Variants in SBF2 observed in about 807,000 individuals in gnomAD.
The protein encoded by SBF2 is SET binding factor 2.
Under a neutral mutation model 225.2 loss-of-function variants are expected in SBF2, and 112 were observed. The observed-to-expected ratio is 0.50, with a 90% CI of 0.43 to 0.58. The LOEUF is 0.58. Among genes scored for constraint, SBF2 ranks in the 20% least tolerant of loss-of-function variants. The pLI is 0.00. For synonymous variants in SBF2, 763 were observed against 773.3 expected (o/e 0.99, Z 0.22); for missense variants, 1,996 against 2,206.2 (o/e 0.90, Z 1.91).
chr11:10,270,110 A>G (rs1325189131), intron 1 of SBF2, among the ~76,000 whole-genome samples: 1 of 152,188 alleles, frequency 6.6e-6, no homozygotes, highest in Non-Finnish European at 1.5e-5. Context: ...TATTTACTTT[A>G]AATTATATAT....
At chr11:10,178,334 T>C (rs1165477087) in intron 2 of SBF2, among the ~76,000 whole-genome samples, 14 of 149,258 alleles carry the variant, frequency 9.4e-5, no homozygotes, top group Admixed American at 8.1e-4. Context: ...AAAGCCAAAA[T>C]TGACAAATGG....
intron 6 of SBF2, among the ~76,000 whole-genome samples, chr11:10,020,914 TA>T (rs915105053): frequency 4.0e-5 from 6 of 150,558 alleles, no homozygotes; most frequent in East Asian, 2.0e-4. Flanking sequence ...TTAAGAACTT[TA>T]AAAAAAAACC....
At chr11:10,093,301 C>T (rs1258986837) in intron 2 of SBF2, among the ~76,000 whole-genome samples, 1 of 151,354 alleles carries the variant, frequency 6.6e-6, no homozygotes, top group Non-Finnish European at 1.5e-5. Flanking sequence ...AGGTTTGAGC[C>T]ACTGTGCCCA....
intron 1 of SBF2, among the ~76,000 whole-genome samples, chr11:10,227,152 G>A (rs1190294906): frequency 6.6e-6 from 1 of 152,058 alleles, no homozygotes; most frequent in Non-Finnish European, 1.5e-5. Context: ...CATATCCTTT[G>A]CCCGCTTTTT....
chr11:10,156,505 G>C (rs1704153556), intron 2 of SBF2, among the ~76,000 whole-genome samples: 1 of 152,194 alleles, frequency 6.6e-6, no homozygotes, highest in East Asian at 1.9e-4. Flanking sequence ...TCCAGTCCTG[G>C]GTGAAGTTGG....
chr11:10,078,279 G>A (rs1156988952), intron 2 of SBF2, among the ~76,000 whole-genome samples: 1 of 152,154 alleles, frequency 6.6e-6, no homozygotes, highest in African/African-American at 2.4e-5. Flanking sequence ...CCATTACTGG[G>A]TATATACCCA....
chr11:10,210,160 T>C (rs150191614), intron 1 of SBF2, among the ~76,000 whole-genome samples: 1 of 151,846 alleles, frequency 6.6e-6, no homozygotes, highest in Non-Finnish European at 1.5e-5. Flanking sequence ...ACACAAAAAT[T>C]AGCTGAGTGT....
intron 2 of SBF2, among the ~76,000 whole-genome samples, chr11:10,125,476 T>C (rs893884753): frequency 2.6e-5 from 4 of 152,294 alleles, no homozygotes; most frequent in African/African-American, 9.6e-5. Context: ...TGAACGACAC[T>C]AGAAAGGGCA....
intron 2 of SBF2, among the ~76,000 whole-genome samples, chr11:10,144,201 T>C (rs1279009593): frequency 6.6e-6 from 1 of 152,136 alleles, no homozygotes; most frequent in African/African-American, 2.4e-5. Context: ...AAAAATTACA[T>C]AATAGGTCAG....
At chr11:9,851,135 C>CAA (rs773210379) in intron 21 of SBF2, among the ~76,000 whole-genome samples, 14,515 of 70,766 alleles carry the variant, frequency 0.21, 1,532 homozygotes, top group Non-Finnish European at 0.31. Context: ...GACTCCATCT[C>CAA]AAAAAAAAAA....
At chr11:9,975,649 T>C (rs1946646853) in intron 13 of SBF2, among the ~76,000 whole-genome samples, 1 of 152,160 alleles carries the variant, frequency 6.6e-6, no homozygotes, top group African/African-American at 2.4e-5. Flanking sequence ...ATGATAAACC[T>C]GACTTATAAG....
At chr11:9,859,801 C>G (rs1031644447) in intron 17 of SBF2, among the ~76,000 whole-genome samples, 1 of 152,142 alleles carries the variant, frequency 6.6e-6, no homozygotes, top group Non-Finnish European at 1.5e-5. Flanking sequence ...AATGTAGTAC[C>G]TGTGTAGTTA....
intron 1 of SBF2, among the ~76,000 whole-genome samples, chr11:10,246,645 C>T (rs1004468919): frequency 6.6e-6 from 1 of 152,164 alleles, no homozygotes; most frequent in African/African-American, 2.4e-5. Context: ...GATAAAAAGA[C>T]AAGCATATGT....
intron 16 of SBF2, among the ~76,000 whole-genome samples, chr11:9,929,762 T>G (rs920108607): frequency 3.3e-5 from 5 of 152,242 alleles, no homozygotes; most frequent in South Asian, 2.1e-4. Context: ...TCTCAACAAC[T>G]TTTTGCAGGG....
At chr11:9,929,202 T>C (rs1262526084) in intron 16 of SBF2, 1 of 190,000 alleles carries the variant, frequency 5.3e-6, no homozygotes, top group Admixed American at 5.9e-5. Flanking sequence ...CATTTGGCAT[T>C]TGAAGCAAAC....
chr11:10,207,599 AG>A (rs1488682718), intron 1 of SBF2, among the ~76,000 whole-genome samples: 1 of 152,106 alleles, frequency 6.6e-6, no homozygotes, highest in Admixed American at 6.5e-5. Context: ...TTTAGTTGCC[AG>A]GGTAGGGTGA....
chr11:10,243,538 G>T (rs1428027429), intron 1 of SBF2, among the ~76,000 whole-genome samples: 1 of 150,820 alleles, frequency 6.6e-6, no homozygotes, highest in African/African-American at 2.4e-5. Context: ...AGAGTTTTTT[G>T]AAAAAATTAA....
At chr11:10,097,286 C>T (rs549637445) in intron 2 of SBF2, among the ~76,000 whole-genome samples, 4 of 152,298 alleles carry the variant, frequency 2.6e-5, no homozygotes, top group South Asian at 2.1e-4. Context: ...AACCTTTAAG[C>T]GTGGATTTCC....
intron 2 of SBF2, among the ~76,000 whole-genome samples, chr11:10,176,224 C>T (rs1459571933): frequency 6.8e-6 from 1 of 147,850 alleles, no homozygotes; most frequent in Admixed American, 6.7e-5. Context: ...ACTAAATGCC[C>T]ACAAGAGAAA....
Sources: allele counts gnomAD v4.1 joint callset (sites outside exome capture counted in the v4.1 genomes callset), GRCh38; gene constraint gnomAD v4.1.1; transcripts MANE v1.5; gene names NCBI Gene and HGNC (gene_info 2026-07-23, HGNC 2026-07-21).